Variants in KALRN observed in about 807,000 individuals in gnomAD.
KALRN encodes kalirin.
Under a neutral mutation model 353.7 loss-of-function variants are expected in KALRN, and 70 were observed. The observed-to-expected ratio is 0.20, with a 90% confidence interval of 0.16 to 0.24. The LOEUF (loss-of-function observed/expected upper bound fraction) is 0.24. Among genes scored for constraint, KALRN ranks in the 10% least tolerant of loss-of-function variants. KALRN has a pLI of 1.00. For missense variants in KALRN, 2,791 were observed against 3,756.7 expected, an observed-to-expected ratio of 0.74 and a Z score of 6.72; for synonymous variants, 1,391 against 1,434.8, an observed-to-expected ratio of 0.97 and a Z score of 0.69.
In KALRN at chr3:124,228,002, A is replaced by G. The variant is rs992756679; in HGVS notation, c.86A>G (p.Asn29Ser). 1.2e-6 allele frequency: 2 copies of G among 1,613,948 alleles called. No homozygotes were observed. Among genetic ancestry groups the G allele is most frequent in the East Asian group, 2.2e-5 (1 of 44,878 alleles). ...TGTTGTCCCACAGGGTCTTTTCGGA[A>G]TGATGGTTTGAAAGCTTCTGATGTC... ...DAFFRTGSFR[N>S]DGLKASDVLP... The change falls in exon 2 of 60, where the codon AAT (asparagine) becomes AGT (serine). Residue 29 changes from asparagine to serine, a missense_variant. Asn to Ser is a conservative substitution (Grantham distance 46). Coordinates refer to ENST00000682506, the MANE Select transcript of KALRN (RefSeq NM_001388419.1).
chr3:124,121,447 G>A (rs1049801994), intron 1 of KALRN, among the ~76,000 whole-genome samples: 1 of 152,196 alleles, frequency 6.6e-6, no homozygotes, highest in Non-Finnish European at 1.5e-5. Context: ...AAATTGGGTG[G>A]CAGTGGAGAG....
intron 34 of KALRN, 59 bp downstream of exon 34, chr3:124,563,148 C>T: frequency 7.5e-7 from 1 of 1,327,596 alleles, no homozygotes; most frequent in Non-Finnish European, 1.0e-6. Flanking sequence ...GCTGGCCTGA[C>T]TCTAGCTGAA....
intron 1 of KALRN, among the ~76,000 whole-genome samples, chr3:124,093,480 T>C (rs1419601140): frequency 6.6e-6 from 1 of 152,196 alleles, no homozygotes; most frequent in Non-Finnish European, 1.5e-5. Context: ...GTCACCTGGG[T>C]CACAGGCTGG....
chr3:124,355,709 C>CTTTTTTTTTTTTT (rs3055894), intron 10 of KALRN, among the ~76,000 whole-genome samples: 16 of 97,410 alleles, frequency 1.6e-4, no homozygotes, highest in African/African-American at 6.1e-4. Flanking sequence ...TCTCTCCCAT[C>CTTTTTTTTTTTTT]TTTTTTTTTT....
rs201283642 is a variant in KALRN at position 124,633,963 on chromosome 3, C to T, written c.5568+10C>T. 7.5e-6 allele frequency: 12 copies of T among 1,607,960 alleles called. No homozygotes were observed. The highest frequency in any genetic ancestry group is 1.0e-5 in the Non-Finnish European group (12 of 1,174,852). Reference sequence around the variant, plus strand: ...TACACAGGATGAAATGGTAGAACTTCTTTACTTGCTCACTTAAAAGAGCAA... The same window carrying T: ...TACACAGGATGAAATGGTAGAACTTTTTTACTTGCTCACTTAAAAGAGCAA... On this transcript the variant is annotated intron_variant, in intron 36 of 59. Coordinates refer to ENST00000682506, the MANE Select transcript of KALRN (RefSeq NM_001388419.1).
chr3:124,203,076 C>G (rs1413223041), intron 1 of KALRN, among the ~76,000 whole-genome samples: 1 of 152,168 alleles, frequency 6.6e-6, no homozygotes, highest in African/African-American at 2.4e-5. Context: ...TGGGGAAGTT[C>G]CCACTCCTCC....
At chr3:124,675,231 G>C (rs965383177) in intron 49 of KALRN, 1 of 151,962 alleles carries the variant, frequency 6.6e-6, no homozygotes, top group African/African-American at 2.4e-5. Flanking sequence ...TCCTTATTTT[G>C]GTTGCAAGAC....
At chr3:124,712,243 G>T (rs2062925996) in intron 57 of KALRN, among the ~76,000 whole-genome samples, 1 of 152,118 alleles carries the variant, frequency 6.6e-6, no homozygotes, top group South Asian at 2.1e-4. Context: ...TTACAGTCTG[G>T]CTTTTTCATC....
At chr3:124,160,685 A>G (rs1053323603) in intron 1 of KALRN, among the ~76,000 whole-genome samples, 6 of 151,836 alleles carry the variant, frequency 4.0e-5, no homozygotes, top group Non-Finnish European at 7.4e-5. Flanking sequence ...CTTAGGTACC[A>G]CTCCAACACC....
chr3:124,578,560 G>C (rs547552625), intron 34 of KALRN, among the ~76,000 whole-genome samples: 1 of 152,216 alleles, frequency 6.6e-6, no homozygotes, highest in African/African-American at 2.4e-5. Context: ...CCTAAAGTCC[G>C]TGGTTCTCAG....
chr3:124,130,690 C>A (rs1220335766), intron 1 of KALRN, among the ~76,000 whole-genome samples: 1 of 152,106 alleles, frequency 6.6e-6, no homozygotes, highest in Non-Finnish European at 1.5e-5. Context: ...ATGTTCATAT[C>A]AGCTTTATTC....
chr3:124,286,119 C>CT (rs1466619528), intron 5 of KALRN, among the ~76,000 whole-genome samples: 1 of 146,300 alleles, frequency 6.8e-6, no homozygotes, highest in Non-Finnish European at 1.5e-5. Context: ...TTCTTTCTTT[C>CT]TTTCTTTCTT....
At chr3:124,142,562 A>T (rs916660816) in intron 1 of KALRN, among the ~76,000 whole-genome samples, 2 of 152,158 alleles carry the variant, frequency 1.3e-5, no homozygotes, top group African/African-American at 4.8e-5. Context: ...CAGACCTAAG[A>T]ACCAGGGTTT....
intron 1 of KALRN, among the ~76,000 whole-genome samples, chr3:124,046,098 G>GT (rs1489189262): frequency 6.6e-6 from 1 of 152,164 alleles, no homozygotes; most frequent in African/African-American, 2.4e-5. Flanking sequence ...TATATGTGCA[G>GT]TTTTATGCAT....
At chr3:124,480,494 G>T (rs188303583) in intron 27 of KALRN, among the ~76,000 whole-genome samples, 102 of 152,186 alleles carry the variant, frequency 6.7e-4, no homozygotes, top group Non-Finnish European at 7.6e-4. Context: ...CTTAGGGCAT[G>T]CCCCTACATT....
At chr3:124,646,390 A>ATTTTTTTTTTTT (rs1578623220) in intron 37 of KALRN, among the ~76,000 whole-genome samples, 2 of 94,672 alleles carry the variant, frequency 2.1e-5, no homozygotes, top group African/African-American at 7.9e-5. Flanking sequence ...TCTTTTGTTT[A>ATTTTTTTTTTTT]CTTTTTTTTT....
chr3:124,592,013 G>A (rs1377339012), intron 34 of KALRN, among the ~76,000 whole-genome samples: 1 of 152,070 alleles, frequency 6.6e-6, no homozygotes, highest in Non-Finnish European at 1.5e-5. Context: ...GAAGATACTG[G>A]CAAGAGTCTG....
In KALRN at chr3:124,318,001, T is replaced by TGA. The variant is rs532960718; in HGVS notation, c.1093-7967_1093-7966dup. Among the ~76,000 whole-genome samples the TGA allele has an allele frequency of 8.8e-3, 1,333 of 151,812 alleles. 15 individuals are homozygous for TGA. The highest frequency in any genetic ancestry group is 0.03 in the African/African-American group (1,236 of 41,436). ...CTGCCCAAGGAGGTTTACTCAGAGC[T>TGA]GAGAGAGAGAGAGGAGCTTCTCTTT... is the stretch of plus-strand genomic sequence containing the variant. On this transcript the variant is annotated intron_variant, in intron 6 of 59. Coordinates refer to ENST00000682506, the MANE Select transcript of KALRN (RefSeq NM_001388419.1).
In KALRN at chr3:124,228,135, C is replaced by T. The variant is rs2078775707; in HGVS notation, c.148+71C>T. On this transcript the variant is annotated intron_variant, in intron 2 of 59. Coordinates refer to ENST00000682506, the MANE Select transcript of KALRN (RefSeq NM_001388419.1). Reference sequence around the variant, plus strand: ...GTGTGTGTGCACATGTGTTCAGATTCACTTGTGTGTTAGTAGGGGAGAAGT... The same window carrying T: ...GTGTGTGTGCACATGTGTTCAGATTTACTTGTGTGTTAGTAGGGGAGAAGT... The T allele has an allele frequency of 8.9e-6, 11 of 1,240,364 alleles. No homozygotes were observed. The South Asian group carries it at 1.2e-4, about 14-fold the overall frequency. 76.8% of individuals were successfully genotyped at this position (1,240,364 alleles called of 1,614,324 possible). A position where few individuals can be genotyped will look rare whatever the true frequency, so the allele number is the denominator to read the frequency against.
Sources: gnomAD v4.1 joint callset for allele counts (sites outside exome capture counted in the v4.1 genomes callset) on GRCh38, gnomAD v4.1.1 for gene constraint, MANE v1.5 for transcripts, NCBI Gene and HGNC (gene_info 2026-07-23, HGNC 2026-07-21) for gene names.